The following CNNM4 variants were observed in gnomAD, a reference collection of about 807,000 sequenced individuals.
CNNM4 encodes metal transporter CNNM4.
A neutral mutation model predicts 53.7 loss-of-function variants in CNNM4; 32 were observed. That is an observed-to-expected ratio of 0.60 (90% CI 0.45 to 0.80). CNNM4 has a LOEUF of 0.80. Among genes scored for constraint, CNNM4 ranks in the 30% least tolerant of loss-of-function variants. The pLI is 0.00. For synonymous variants in CNNM4, 410 were observed against 440.0 expected, an observed-to-expected ratio of 0.93 and a Z score of 0.85; for missense variants, 784 against 1,022.0, an observed-to-expected ratio of 0.77 and a Z score of 3.17.
rs1373284157 is a variant in CNNM4 at position 96,811,648 on chromosome 2, C to T, written c.*2131C>T. On this transcript the variant is annotated 3_prime_UTR_variant, in exon 7 of 7. Coordinates refer to ENST00000377075, the MANE Select transcript of CNNM4 (RefSeq NM_020184.4). ...CACTGTGTCTTCCACGTAAGGGAGA[C>T]CTTTGCAAAGGGCATCCAAATGGGT... The T allele has an allele frequency of 6.6e-6, 1 of 152,616 alleles. No homozygotes were observed. The highest frequency in any genetic ancestry group is 1.5e-5 in the Non-Finnish European group (1 of 68,040). The allele number at this position is 152,616 out of a possible 1,614,324, so 9.5% of individuals were successfully genotyped here. A position where few individuals can be genotyped will look rare whatever the true frequency, so the allele number is the denominator to read the frequency against.
At chr2:96,786,778 CAAAAAAAAAAAAAA>C (rs978560794) in intron 1 of CNNM4, among the ~76,000 whole-genome samples, 37 of 40,482 alleles carry the variant, frequency 9.1e-4, no homozygotes, top group Admixed American at 8.3e-3. Flanking sequence ...GACTCTGTCT[CAAAAAAAAAAAAAA>C]AAAAAAAAAA....
chr2:96,797,657 G>A lies in CNNM4; in HGVS notation c.1681+10G>A. On this transcript the variant is annotated intron_variant, in intron 3 of 6. Coordinates refer to ENST00000377075, the MANE Select transcript of CNNM4 (RefSeq NM_020184.4). This position sits in a 1 kb window ranked among gnomAD's most constrained non-coding sequence, Gnocchi z 6.0. ...CGCTTCCTAGCCACAGGTAGCATGA[G>A]GAGGACCTTCCGGTCTTGGTGGAAA... is the stretch of plus-strand genomic sequence containing the variant. 6.2e-7 allele frequency: 1 copy of A among 1,613,800 alleles called. No individual in the cohort carries two copies. Among genetic ancestry groups the A allele is most frequent in the African/African-American group, 1.3e-5 (1 of 75,052 alleles).
Position 96,806,427 on chromosome 2 carries a change from A to G in CNNM4, c.1949-2134A>G, listed in dbSNP as rs534784631. Among the ~76,000 whole-genome samples, 7 of 150,602 alleles carry G rather than the reference A, an allele frequency of 4.6e-5. No homozygotes were observed. The East Asian group carries it at 7.9e-4, about 17-fold the overall frequency. ...GTTCACGACCCACTAAGACCTTACC[A>G]GGTCCCTCTTTTGTCTCATTTAATT... On this transcript the variant is annotated intron_variant, in intron 5 of 6. Transcript: ENST00000377075.
Position 96,801,539 on chromosome 2 carries a change from G to C in CNNM4, c.1948+1891G>C, listed in dbSNP as rs1052123388. 4.9e-5 allele frequency among the ~76,000 whole-genome samples: 7 copies of C among 142,764 alleles called. No homozygotes were observed. Among genetic ancestry groups the C allele is most frequent in the African/African-American group, 1.9e-4 (7 of 37,170 alleles). The allele number at this position is 142,764 out of a possible 152,430, so 93.7% of individuals were successfully genotyped here. On this transcript the variant is annotated intron_variant, in intron 5 of 6. Coordinates refer to ENST00000377075, the MANE Select transcript of CNNM4 (RefSeq NM_020184.4). The surrounding 1 kb of genome is among the most constrained non-coding windows in gnomAD (Gnocchi z 5.6). The stretch of plus-strand genomic sequence containing the variant: ...CACACACAGAGATAGCACACACACA[G>C]AGAGACCACACACACACAGAGACCA...
intron 1 of CNNM4, among the ~76,000 whole-genome samples, chr2:96,775,239 C>G (rs897066290): frequency 6.6e-6 from 1 of 152,108 alleles, no homozygotes; most frequent in Non-Finnish European, 1.5e-5. Context: ...TGCACCCTCC[C>G]AGTCCCTGCC....
chr2:96,797,222 C>T lies in CNNM4; in HGVS notation c.1546+67C>T. 2 of 1,600,326 alleles carry T rather than the reference C, an allele frequency of 1.2e-6. No homozygotes were observed. Among genetic ancestry groups the T allele is most frequent in the Non-Finnish European group, 1.7e-6 (2 of 1,170,230 alleles). On this transcript the variant is annotated intron_variant, in intron 2 of 6. Coordinates refer to ENST00000377075, the MANE Select transcript of CNNM4 (RefSeq NM_020184.4). The surrounding 1 kb of genome is among the most constrained non-coding windows in gnomAD (Gnocchi z 6.0). ...TTGGATCGAAACTTGGTGTCCCTAGCTGGAAGGGCCATAGTGCAGGGACAC... is the reference window on the plus strand; with the variant it reads ...TTGGATCGAAACTTGGTGTCCCTAGTTGGAAGGGCCATAGTGCAGGGACAC...
chr2:96,795,452 C>T (rs1168767320), intron 1 of CNNM4, among the ~76,000 whole-genome samples: 1 of 151,924 alleles, frequency 6.6e-6, no homozygotes, highest in Non-Finnish European at 1.5e-5. Flanking sequence ...TATCATAGCC[C>T]CTGGCATGTG....
At chr2:96,806,735 C>T (rs989092998) in intron 5 of CNNM4, among the ~76,000 whole-genome samples, 1 of 152,240 alleles carries the variant, frequency 6.6e-6, no homozygotes. Flanking sequence ...CTTCTTTGTG[C>T]GTTTCATGGT....
At chr2:96,804,599 C>CAAAGCAAAAAACAAG (rs1304979703) in intron 5 of CNNM4, among the ~76,000 whole-genome samples, 1 of 151,998 alleles carries the variant, frequency 6.6e-6, no homozygotes, top group African/African-American at 2.4e-5. Context: ...GACGGAGTTT[C>CAAAGCAAAAAACAAG]ACCATGTTGG....
In CNNM4 at chr2:96,810,479, A is replaced by C. The variant is rs1329198360; in HGVS notation, c.*962A>C. 1 of 152,706 alleles carries C rather than the reference A, an allele frequency of 6.5e-6. No individual in the cohort carries two copies. Among genetic ancestry groups the C allele is most frequent in the African/African-American group, 2.4e-5 (1 of 41,454 alleles). 9.5% of individuals were successfully genotyped at this position (152,706 alleles called of 1,614,324 possible). A position where few individuals can be genotyped will look rare whatever the true frequency, so the allele number is the denominator to read the frequency against. On this transcript the variant is annotated 3_prime_UTR_variant, in exon 7 of 7. Coordinates refer to ENST00000377075, the MANE Select transcript of CNNM4 (RefSeq NM_020184.4). This position sits in a 1 kb window ranked among gnomAD's most constrained non-coding sequence, Gnocchi z 4.1. The stretch of plus-strand genomic sequence containing the variant: ...TGTCTGGGTTCTTCCTTTTGGTTCC[A>C]GAAGGAACTGTCAGTCATCAGCATC...
chr2:96,784,438 T>C (rs962583921), intron 1 of CNNM4, among the ~76,000 whole-genome samples: 3 of 152,148 alleles, frequency 2.0e-5, no homozygotes, highest in African/African-American at 7.2e-5. Flanking sequence ...GAGCTGTTAA[T>C]TGTTAGGTGA....
chr2:96,809,722 G>A lies in CNNM4; in HGVS notation c.*205G>A, dbSNP rs375409792. On this transcript the variant is annotated 3_prime_UTR_variant, in exon 7 of 7. Coordinates refer to ENST00000377075, the MANE Select transcript of CNNM4 (RefSeq NM_020184.4). Reference sequence around the variant, plus strand: ...GGTGGCACTGTCCAGCCCTGGATAGGGGGGGCAGTGGGCCAGCTACCGTAA... The same window carrying A: ...GGTGGCACTGTCCAGCCCTGGATAGAGGGGGCAGTGGGCCAGCTACCGTAA... The A allele has an allele frequency of 3.9e-6, 2 of 512,610 alleles. No individual in the cohort carries two copies. Among genetic ancestry groups the A allele is most frequent in the South Asian group, 3.6e-5 (1 of 27,688 alleles). The allele number at this position is 512,610 out of a possible 1,614,324, so 31.8% of individuals were successfully genotyped here.
rs1193908155 is a variant in CNNM4, at chr2:96,760,971, A to AGCG, written c.-17_-15dup. On this transcript the variant is annotated 5_prime_UTR_variant, in exon 1 of 7. Coordinates refer to ENST00000377075, the MANE Select transcript of CNNM4 (RefSeq NM_020184.4). ...CGGGGCCGCGCGGCGTGGCGCGGGGAGCGGCGGCGGCGGCAGAGCCAGAGC... is the reference window on the plus strand; with the variant it reads ...CGGGGCCGCGCGGCGTGGCGCGGGGAGCGGCGGCGGCGGCGGCAGAGCCAGAGC... 1.9e-5 allele frequency: 19 copies of AGCG among 1,002,256 alleles called. No individual in the cohort carries two copies. Among genetic ancestry groups the AGCG allele is most frequent in the Middle Eastern group, 4.8e-4 (1 of 2,080 alleles). 62.1% of individuals were successfully genotyped at this position (1,002,256 alleles called of 1,614,324 possible).
At chr2:96,771,676 T>G (rs2078870949) in intron 1 of CNNM4, among the ~76,000 whole-genome samples, 1 of 148,548 alleles carries the variant, frequency 6.7e-6, no homozygotes, top group East Asian at 2.0e-4. Context: ...ATCGTGCCAC[T>G]GCACTCCAGC....
intron 1 of CNNM4, among the ~76,000 whole-genome samples, chr2:96,782,823 G>A (rs1305893429): frequency 2.6e-5 from 4 of 152,170 alleles, no homozygotes; most frequent in African/African-American, 7.2e-5. Context: ...GCAATGGAAA[G>A]CTAGTCCCAG....
chr2:96,762,616 A>G (rs1207728851), intron 1 of CNNM4, among the ~76,000 whole-genome samples: 2 of 152,138 alleles, frequency 1.3e-5, no homozygotes, highest in Non-Finnish European at 2.9e-5. Flanking sequence ...GCTCCTGATG[A>G]ATCAAAGCTG....
intron 1 of CNNM4, among the ~76,000 whole-genome samples, chr2:96,785,116 G>A (rs1218936976): frequency 6.6e-6 from 1 of 152,048 alleles, no homozygotes; most frequent in Non-Finnish European, 1.5e-5. Context: ...GACCTCAGAT[G>A]ATCCTCCTGC....
rs749650885 is a variant in CNNM4, at chr2:96,761,941, C to T, written c.942C>T (p.Phe314=). Residue 314 remains phenylalanine (F), a synonymous_variant, in exon 1 of 7, where the codon TTC becomes TTT. Transcript: ENST00000377075. The surrounding 1 kb of genome is among the most constrained non-coding windows in gnomAD (Gnocchi z 6.0). ...CCAAATTCTTTATGCTACTCACCTT[C>T]CCCCTCAGTTTTCCCATTAGCAAGC... ...LLTKFFMLLT[F]PLSFPISKLL... 1.2e-5 allele frequency: 20 copies of T among 1,614,194 alleles called. No individual in the cohort carries two copies. The South Asian group carries it at 2.2e-4, about 18-fold the overall frequency.
intron 1 of CNNM4, among the ~76,000 whole-genome samples, chr2:96,781,355 C>T (rs2078974037): frequency 1.3e-5 from 2 of 151,618 alleles, no homozygotes; most frequent in African/African-American, 4.8e-5. Context: ...CTTGAGCCAC[C>T]ATGCCCAGCC....
Sources: gnomAD v4.1 joint callset for allele counts (sites outside exome capture counted in the v4.1 genomes callset) on GRCh38, gnomAD v4.1.1 for gene constraint, Gnocchi (gnomAD v3.1) non-coding constraint, MANE v1.5 for transcripts, NCBI Gene and HGNC (gene_info 2026-07-23, HGNC 2026-07-21) for gene names.